Variants in MRPL48 observed in about 807,000 individuals in gnomAD.
MRPL48 encodes the protein mitochondrial ribosomal protein L48, also known as large ribosomal subunit protein mL48.
Under a neutral mutation model 32.9 loss-of-function variants are expected in MRPL48, and 16 were observed. That is an observed-to-expected ratio of 0.49 (90% CI 0.33 to 0.74). MRPL48 has a LOEUF of 0.74. MRPL48 is among the 30% of genes least tolerant of loss of function. The pLI is 0.02. For missense variants in MRPL48, 206 were observed against 245.3 expected (o/e 0.84, Z 1.07); for synonymous variants, 94 against 89.2 (o/e 1.05, Z -0.31).
chr11:73,832,585 A>C (rs1948016183), intron 4 of MRPL48: 1 of 159,324 alleles, frequency 6.3e-6, no homozygotes, highest in Non-Finnish European at 1.5e-5. Flanking sequence ...ATGCACATGG[A>C]GTGGTGAGGG....
intron 3 of MRPL48, among the ~76,000 whole-genome samples, chr11:73,824,915 C>T (rs1369866919): frequency 3.3e-5 from 5 of 152,032 alleles, no homozygotes; most frequent in South Asian, 2.1e-4. Context: ...ACTGAGAATC[C>T]GTCCAGGATC....
chr11:73,817,533 TGTAG>T (rs1947699344), intron 3 of MRPL48, among the ~76,000 whole-genome samples: 1 of 152,224 alleles, frequency 6.6e-6, no homozygotes, highest in African/African-American at 2.4e-5. Context: ...TTGCTAATAT[TGTAG>T]GTTAAAACGT....
intron 5 of MRPL48, among the ~76,000 whole-genome samples, chr11:73,851,843 C>A (rs1354219478): frequency 2.6e-5 from 4 of 151,956 alleles, no homozygotes; most frequent in African/African-American, 9.7e-5. Context: ...GATTGAGCCT[C>A]TTCTTGCTAT....
At chr11:73,804,997 G>T in intron 1 of MRPL48, 30 bp from the exon 2 acceptor site, 2 of 1,572,722 alleles carry the variant, frequency 1.3e-6, no homozygotes, top group Non-Finnish European at 1.7e-6. Context: ...AAATGCTTAA[G>T]ATTGTCCTAA....
chr11:73,789,169 A>T (rs5792633), intron 1 of MRPL48, among the ~76,000 whole-genome samples: 21,696 of 78,698 alleles, frequency 0.28, 1,616 homozygotes, highest in African/African-American at 0.44. Flanking sequence ...AAGATAATAG[A>T]AAAAAAAATC....
At chr11:73,798,795 G>A (rs1947305676) in intron 1 of MRPL48, among the ~76,000 whole-genome samples, 1 of 151,956 alleles carries the variant, frequency 6.6e-6, no homozygotes, top group African/African-American at 2.4e-5. Flanking sequence ...TTGGAGACCA[G>A]CCTGGCCAAC....
At chr11:73,842,321 C>G (rs963723661) in intron 4 of MRPL48, 1 of 152,162 alleles carries the variant, frequency 6.6e-6, no homozygotes, top group Non-Finnish European at 1.5e-5. Flanking sequence ...TATGTAATTA[C>G]ACACATGCAC....
intron 3 of MRPL48, chr11:73,817,795 T>C (rs1947703215): frequency 2.6e-6 from 1 of 386,876 alleles, no homozygotes. Flanking sequence ...TATTTATTTT[T>C]GTTGTTGTTG....
chr11:73,843,665 C>T (rs963045943), intron 4 of MRPL48, among the ~76,000 whole-genome samples: 4 of 152,152 alleles, frequency 2.6e-5, no homozygotes, highest in Non-Finnish European at 4.4e-5. Flanking sequence ...TGTAGAATTT[C>T]GAGCTAGGAG....
At chr11:73,800,622 C>T (rs1346597299) in intron 1 of MRPL48, among the ~76,000 whole-genome samples, 1 of 152,066 alleles carries the variant, frequency 6.6e-6, no homozygotes, top group Non-Finnish European at 1.5e-5. Context: ...AGGGCCAGAG[C>T]TGCTCTTCAT....
intron 3 of MRPL48, among the ~76,000 whole-genome samples, chr11:73,816,582 A>G (rs1947680030): frequency 6.6e-6 from 1 of 151,858 alleles, no homozygotes; most frequent in African/African-American, 2.4e-5. Flanking sequence ...CTCCCGCCTC[A>G]GCCTCCTGAG....
At chr11:73,841,769 T>G (rs1948190349) in intron 4 of MRPL48, among the ~76,000 whole-genome samples, 1 of 152,166 alleles carries the variant, frequency 6.6e-6, no homozygotes, top group Non-Finnish European at 1.5e-5. Flanking sequence ...GCAATAAAAA[T>G]TTACTAAAAT....
intron 4 of MRPL48, among the ~76,000 whole-genome samples, chr11:73,831,393 A>G (rs1054036688): frequency 5.3e-5 from 8 of 152,096 alleles, no homozygotes; most frequent in Non-Finnish European, 1.2e-4. Context: ...TCATACACCC[A>G]TGCTCTTTCC....
At chr11:73,850,290 A>G (rs1948365428) in intron 5 of MRPL48, among the ~76,000 whole-genome samples, 1 of 151,926 alleles carries the variant, frequency 6.6e-6, no homozygotes, top group African/African-American at 2.4e-5. Context: ...ATTACTCCAT[A>G]ATTATCAGAA....
At chr11:73,830,989 G>A (rs1322153858) in intron 4 of MRPL48, among the ~76,000 whole-genome samples, 1 of 151,856 alleles carries the variant, frequency 6.6e-6, no homozygotes, top group Non-Finnish European at 1.5e-5. Flanking sequence ...ACAGGCATGC[G>A]CTACCATGCC....
At chr11:73,826,634 A>G (rs59104363) in intron 4 of MRPL48, among the ~76,000 whole-genome samples, 2,403 of 152,090 alleles carry the variant, frequency 0.016, 54 homozygotes, top group African/African-American at 0.053. Flanking sequence ...GTCCGCTGCC[A>G]CACCTGGCTA....
chr11:73,856,709 C>T (rs1388941567), intron 5 of MRPL48, among the ~76,000 whole-genome samples: 1 of 152,068 alleles, frequency 6.6e-6, no homozygotes, highest in Non-Finnish European at 1.5e-5. Context: ...AGTGAAGCTC[C>T]CCAGCACCCT....
At chr11:73,821,436 A>G (rs1307367702) in intron 3 of MRPL48, among the ~76,000 whole-genome samples, 1 of 152,176 alleles carries the variant, frequency 6.6e-6, no homozygotes, top group Non-Finnish European at 1.5e-5. Flanking sequence ...TTAGTACTCA[A>G]TAATTAAGCC....
At chr11:73,859,566 C>T (rs916076135) in intron 5 of MRPL48, among the ~76,000 whole-genome samples, 1 of 152,158 alleles carries the variant, frequency 6.6e-6, no homozygotes, top group African/African-American at 2.4e-5. Context: ...CAGGTGTGCG[C>T]CACCACATCT....
Sources: gnomAD v4.1 joint callset for allele counts (sites outside exome capture counted in the v4.1 genomes callset) on GRCh38, gnomAD v4.1.1 for gene constraint, MANE v1.5 for transcripts, NCBI Gene and HGNC (gene_info 2026-07-23, HGNC 2026-07-21) for gene names.